Variants in NRXN1 observed in about 807,000 individuals in gnomAD.
NRXN1 encodes the protein neurexin-1.
A neutral mutation model predicts 150.9 loss-of-function variants in NRXN1; 39 were observed. That is an observed-to-expected ratio of 0.26 (90% CI 0.20 to 0.34). NRXN1 has a LOEUF of 0.34. Among genes scored for constraint, NRXN1 ranks in the 10% least tolerant of loss-of-function variants. The pLI is 1.00. For synonymous variants in NRXN1, 924 were observed against 757.0 expected, an observed-to-expected ratio of 1.22 and a Z score of -3.62; for missense variants, 1,815 against 1,949.9, an observed-to-expected ratio of 0.93 and a Z score of 1.30.
At position 50,650,506 on chromosome 2, in the gene NRXN1, C is replaced by T. The variant is rs551812951; in HGVS notation, c.833-26891G>A. Among the ~76,000 whole-genome samples, 8 of 152,160 alleles carry T rather than the reference C, an allele frequency of 5.3e-5. No homozygotes were observed. The South Asian group carries it at 1.0e-3, about 20-fold the overall frequency. ...ACAGCAAACACACCAATAAACCTAT[C>T]GGCAGCAGCCTCAGTATTTTACCTC... is the stretch of plus-strand genomic sequence containing the variant. On this transcript the variant is annotated intron_variant, in intron 5 of 22. Transcript: ENST00000401669.
chr2:50,281,769 G>A (rs13012545), intron 17 of NRXN1, among the ~76,000 whole-genome samples: 1 of 152,062 alleles, frequency 6.6e-6, no homozygotes, highest in Non-Finnish European at 1.5e-5. Flanking sequence ...AAATCTTTTA[G>A]AATCTGAATC....
intron 17 of NRXN1, among the ~76,000 whole-genome samples, chr2:50,352,288 A>T (rs2078467518): frequency 6.6e-6 from 1 of 152,140 alleles, no homozygotes; most frequent in African/African-American, 2.4e-5. Context: ...AGGACAGGCC[A>T]TTTCAAGTTA....
chr2:50,662,469 G>A (rs926208875), intron 5 of NRXN1, among the ~76,000 whole-genome samples: 1 of 151,964 alleles, frequency 6.6e-6, no homozygotes, highest in African/African-American at 2.4e-5. Flanking sequence ...ATATTAGAAG[G>A]GTTTAGGGTA....
intron 17 of NRXN1, among the ~76,000 whole-genome samples, chr2:50,360,649 C>T (rs900090559): frequency 6.6e-6 from 1 of 152,132 alleles, no homozygotes; most frequent in Non-Finnish European, 1.5e-5. Flanking sequence ...CTTAGACTCC[C>T]ACACAATAAT....
At chr2:50,525,557 T>C (rs532848963) in intron 12 of NRXN1, among the ~76,000 whole-genome samples, 1 of 152,250 alleles carries the variant, frequency 6.6e-6, no homozygotes, top group Admixed American at 6.5e-5. Context: ...TAATCCCAAA[T>C]TGTAGATAAA....
At chr2:50,355,590 T>G (rs1432332848) in intron 17 of NRXN1, among the ~76,000 whole-genome samples, 2 of 152,154 alleles carry the variant, frequency 1.3e-5, no homozygotes, top group Non-Finnish European at 2.9e-5. Context: ...ACATATCCCA[T>G]GCTATTCTCT....
chr2:50,913,767 A>G (rs1219316925), intron 5 of NRXN1, among the ~76,000 whole-genome samples: 3 of 151,748 alleles, frequency 2.0e-5, no homozygotes, highest in Non-Finnish European at 4.4e-5. Context: ...GCCAAACAGA[A>G]AGGGAGAACT....
chr2:50,151,511 G>C (rs1042504165), intron 18 of NRXN1, among the ~76,000 whole-genome samples: 5 of 151,666 alleles, frequency 3.3e-5, no homozygotes, highest in African/African-American at 1.2e-4. Flanking sequence ...AAACAGGGGA[G>C]GTTAGGCCTC....
intron 18 of NRXN1, among the ~76,000 whole-genome samples, chr2:50,225,497 A>C (rs1018982188): frequency 6.6e-6 from 1 of 152,038 alleles, no homozygotes; most frequent in Non-Finnish European, 1.5e-5. Flanking sequence ...ACACAATAGG[A>C]TTAAGAACAA....
At chr2:50,280,923 T>C (rs1436076132) in intron 17 of NRXN1, among the ~76,000 whole-genome samples, 3 of 152,102 alleles carry the variant, frequency 2.0e-5, no homozygotes, top group African/African-American at 7.2e-5. Context: ...TTTTGAACAA[T>C]GTTTCAAAAG....
chr2:50,219,985 T>TTATATATATAATATATATATTA (rs1553776534), intron 18 of NRXN1, among the ~76,000 whole-genome samples: 1 of 51,734 alleles, frequency 1.9e-5, no homozygotes, highest in Non-Finnish European at 3.6e-5. Context: ...AATATATATA[T>TTATATATATAATATATATATTA]TATATATAAT....
intron 2 of NRXN1, among the ~76,000 whole-genome samples, chr2:50,942,104 T>G (rs1288320249): frequency 6.6e-6 from 1 of 152,160 alleles, no homozygotes; most frequent in Non-Finnish European, 1.5e-5. Flanking sequence ...GCACAGGCCA[T>G]GGCTTCAAAG....
At chr2:50,309,102 G>C (rs944383883) in intron 17 of NRXN1, among the ~76,000 whole-genome samples, 1 of 152,156 alleles carries the variant, frequency 6.6e-6, no homozygotes, top group Non-Finnish European at 1.5e-5. Context: ...TTACAGCTGA[G>C]TATTTGATCC....
chr2:50,715,073 T>C (rs1695695438), intron 5 of NRXN1, among the ~76,000 whole-genome samples: 1 of 152,156 alleles, frequency 6.6e-6, no homozygotes, highest in Non-Finnish European at 1.5e-5. Context: ...GAATAAGCCA[T>C]TATTCTATGG....
intron 8 of NRXN1, among the ~76,000 whole-genome samples, chr2:50,573,493 G>A (rs1375770436): frequency 6.6e-6 from 1 of 151,958 alleles, no homozygotes; most frequent in Non-Finnish European, 1.5e-5. Flanking sequence ...TAATTTATAA[G>A]AAATATAAAT....
At chr2:50,496,778 T>A (rs1188216042) in intron 14 of NRXN1, among the ~76,000 whole-genome samples, 1 of 152,236 alleles carries the variant, frequency 6.6e-6, no homozygotes, top group Non-Finnish European at 1.5e-5. Flanking sequence ...TAGCATATTG[T>A]AAATATACAC....
chr2:50,626,202 AAT>A (rs1391844701), intron 5 of NRXN1, among the ~76,000 whole-genome samples: 1 of 151,972 alleles, frequency 6.6e-6, no homozygotes, highest in African/African-American at 2.4e-5. Context: ...AGAGACAATC[AAT>A]GTTTCAACAT....
intron 13 of NRXN1, among the ~76,000 whole-genome samples, chr2:50,501,057 GA>G (rs1194939246): frequency 6.6e-5 from 10 of 152,196 alleles, no homozygotes; most frequent in Non-Finnish European, 1.2e-4. Context: ...TTATGAATTT[GA>G]TGAACGAGGT....
intron 5 of NRXN1, among the ~76,000 whole-genome samples, chr2:50,890,985 C>T (rs1056680932): frequency 6.6e-6 from 1 of 151,712 alleles, no homozygotes; most frequent in Non-Finnish European, 1.5e-5. Context: ...TATTTTAATC[C>T]CTATTTAGTG....
Sources: allele counts gnomAD v4.1 joint callset (sites outside exome capture counted in the v4.1 genomes callset), GRCh38; gene constraint gnomAD v4.1.1; transcripts MANE v1.5; gene names NCBI Gene and HGNC (gene_info 2026-07-23, HGNC 2026-07-21).